RYR3: variants seen among roughly 807,000 people sequenced by gnomAD.
RYR3 encodes the protein brain ryanodine receptor-calcium release channel.
RYR3 carries 207 observed loss-of-function variants against 584.3 expected under a neutral mutation model. The ratio of observed to expected loss-of-function variants is 0.35; its 90% CI spans 0.32 to 0.40. The LOEUF is 0.40. Ranked by LOEUF, RYR3 falls within the 10% of genes least tolerant of loss-of-function variation. The pLI, the probability that RYR3 is intolerant of heterozygous loss-of-function variation, is 1.00. For missense variants in RYR3, 5,616 were observed against 6,089.2 expected (o/e 0.92, Z 2.59); for synonymous variants, 2,416 against 2,248.5 (o/e 1.07, Z -2.11).
intron 52 of RYR3, among the ~76,000 whole-genome samples, chr15:33,744,121 C>G (rs975100351): frequency 2.6e-5 from 4 of 152,150 alleles, no homozygotes; most frequent in African/African-American, 7.2e-5. Context: ...AGATACCCGC[C>G]TGTACTCACA....
intron 1 of RYR3, among the ~76,000 whole-genome samples, chr15:33,406,090 C>A (rs2042999750): frequency 6.6e-6 from 1 of 152,166 alleles, no homozygotes; most frequent in South Asian, 2.1e-4. Flanking sequence ...GTCTGAGTTA[C>A]CTGCTAACTG....
chr15:33,541,071 CA>C (rs1265179188), intron 7 of RYR3, among the ~76,000 whole-genome samples, 181 bp downstream of exon 7: 1 of 152,094 alleles, frequency 6.6e-6, no homozygotes, highest in Non-Finnish European at 1.5e-5. Context: ...TTCTAACTTC[CA>C]GTTACATGAG....
At chr15:33,503,134 G>T (rs2052150657) in intron 2 of RYR3, among the ~76,000 whole-genome samples, 1 of 152,114 alleles carries the variant, frequency 6.6e-6, no homozygotes, top group African/African-American at 2.4e-5. Context: ...TATTTATATA[G>T]CTCTTAACCC....
chr15:33,698,229 T>C (rs2066001456), intron 40 of RYR3, among the ~76,000 whole-genome samples: 1 of 152,228 alleles, frequency 6.6e-6, no homozygotes. Context: ...CCCACTGGGC[T>C]ATTCAGTTGC....
rs761547258 is a variant in RYR3 at position 33,821,582 on chromosome 15, G to A, written c.10975G>A (p.Gly3659Ser). The A allele has an allele frequency of 6.2e-7, 1 of 1,613,994 alleles. No individual in the cohort carries two copies. The highest frequency in any genetic ancestry group is 8.5e-7 in the Non-Finnish European group (1 of 1,179,894). Reference sequence around the variant, plus strand: ...GCTGGGGATCGCCATTCTGAACGGAGGCAATGCTGGTGTGCAACAGGTAAC... The same window carrying A: ...GCTGGGGATCGCCATTCTGAACGGAAGCAATGCTGGTGTGCAACAGGTAAC... The part of the protein sequence containing the change: ...LKLGIAILNG[G>S]NAGVQQKMLD... Residue 3659 changes from glycine to serine, a missense_variant, in exon 80 of 104, where the codon GGC becomes AGC. Physicochemically the swap from Gly to Ser is moderately conservative, Grantham distance 56. This residue lies in a region of RYR3 where 954 missense variants were observed against 1,132.2 expected (regional missense o/e 0.84). Transcript: ENST00000634891.
chr15:33,864,446 CAATATGA>C (rs1192518129), intron 103 of RYR3, among the ~76,000 whole-genome samples: 8 of 152,032 alleles, frequency 5.3e-5, no homozygotes, highest in Non-Finnish European at 1.0e-4. Flanking sequence ...ATTACAGAGA[CAATATGA>C]AATAAGAAAT....
chr15:33,788,092 A>G (rs2074853571), intron 66 of RYR3, 126 bp from the exon 67 acceptor site: 3 of 1,174,038 alleles, frequency 2.6e-6, no homozygotes, highest in East Asian at 2.4e-5. Context: ...AGATTGAGGA[A>G]GGGAACAAGG....
chr15:33,707,935 A>G (rs991592075), intron 43 of RYR3, among the ~76,000 whole-genome samples: 3 of 152,124 alleles, frequency 2.0e-5, no homozygotes, highest in Non-Finnish European at 1.5e-5. Context: ...TCACTGTACT[A>G]TACTATAGTC....
chr15:33,358,025 C>T (rs1016011471), intron 1 of RYR3, among the ~76,000 whole-genome samples: 1 of 152,188 alleles, frequency 6.6e-6, no homozygotes, highest in South Asian at 2.1e-4. Context: ...TTTACCTGAG[C>T]AGCATGTGTC....
At chr15:33,687,443 G>C (rs62012577) in intron 38 of RYR3, among the ~76,000 whole-genome samples, 2,863 of 152,292 alleles carry the variant, frequency 0.019, 46 homozygotes, top group Middle Eastern at 0.041. Context: ...AACATTCCAT[G>C]CTCATGGATA....
chr15:33,762,834 A>G (rs2072618590), intron 60 of RYR3, among the ~76,000 whole-genome samples: 1 of 152,238 alleles, frequency 6.6e-6, no homozygotes, highest in South Asian at 2.1e-4. Context: ...AAAAGAACTA[A>G]GCTGGAGGCA....
chr15:33,367,079 T>C (rs1362326576), intron 1 of RYR3, among the ~76,000 whole-genome samples: 1 of 152,216 alleles, frequency 6.6e-6, no homozygotes, highest in African/African-American at 2.4e-5. Flanking sequence ...TGAAGAACTA[T>C]GAAAAACAAA....
intron 16 of RYR3, among the ~76,000 whole-genome samples, chr15:33,600,738 T>C (rs2059619891): frequency 6.6e-6 from 1 of 152,084 alleles, no homozygotes; most frequent in Admixed American, 6.5e-5. Context: ...GTTTTGATGA[T>C]ACCACAGCAA....
At chr15:33,421,846 G>A (rs1461874374) in intron 1 of RYR3, among the ~76,000 whole-genome samples, 1 of 152,116 alleles carries the variant, frequency 6.6e-6, no homozygotes, top group African/African-American at 2.4e-5. Context: ...TGTAGAAGCA[G>A]AACAAAGAAA....
chr15:33,399,154 C>G (rs964279250), intron 1 of RYR3, among the ~76,000 whole-genome samples: 2 of 152,118 alleles, frequency 1.3e-5, no homozygotes, highest in African/African-American at 4.8e-5. Context: ...GACAAGTGAC[C>G]CTTTTTTTTA....
At chr15:33,461,898 A>G (rs1290467771) in intron 1 of RYR3, among the ~76,000 whole-genome samples, 1 of 152,206 alleles carries the variant, frequency 6.6e-6, no homozygotes, top group East Asian at 1.9e-4. Flanking sequence ...ACCTCCATGA[A>G]GGTGGATGCC....
chr15:33,664,575 A>ATG (rs577820015), intron 36 of RYR3, among the ~76,000 whole-genome samples: 8,737 of 95,350 alleles, frequency 0.092, 434 homozygotes, highest in Admixed American at 0.15. Flanking sequence ...ATATAGATAT[A>ATG]TGTGTGTGTG....
At position 33,583,061 on chromosome 15, in the gene RYR3, G is replaced by A. The variant is rs2058674314; in HGVS notation, c.1574-1334G>A. Reference sequence around the variant, plus strand: ...CCTCTCTCTGCAGTATCATCTGCCAGTGGCTTTCAAGTAGGAACAGACATC... The same window carrying A: ...CCTCTCTCTGCAGTATCATCTGCCAATGGCTTTCAAGTAGGAACAGACATC... On this transcript the variant is annotated intron_variant, in intron 14 of 103. Transcript: ENST00000634891. Among the ~76,000 whole-genome samples, 6 of 152,274 alleles carry A rather than the reference G, an allele frequency of 3.9e-5. No homozygotes were observed. In the South Asian group the frequency reaches 1.0e-3, roughly 26 times the overall value.
intron 1 of RYR3, among the ~76,000 whole-genome samples, chr15:33,450,540 T>A (rs1318431008): frequency 6.6e-6 from 1 of 152,032 alleles, no homozygotes; most frequent in Non-Finnish European, 1.5e-5. Flanking sequence ...AGTGACGTTA[T>A]CTATTCCTAG....
Sources: gnomAD v4.1 joint callset for allele counts (sites outside exome capture counted in the v4.1 genomes callset) on GRCh38, gnomAD v4.1.1 for gene constraint, gnomAD v4.1.1 regional missense constraint, MANE v1.5 for transcripts, NCBI Gene and HGNC (gene_info 2026-07-23, HGNC 2026-07-21) for gene names.